The following XYLT1 variants were observed in gnomAD, a reference collection of about 807,000 sequenced individuals.
XYLT1 encodes the protein xylosyltransferase 1.
A neutral mutation model predicts 91.3 loss-of-function variants in XYLT1; 36 were observed. The observed-to-expected ratio is 0.39, with a 90% CI of 0.30 to 0.52. The LOEUF is 0.52. Ranked by LOEUF, XYLT1 falls within the 20% of genes least tolerant of loss-of-function variation. The pLI, the probability that XYLT1 is intolerant of heterozygous loss-of-function variation, is 0.68. For missense variants in XYLT1, 1,242 were observed against 1,284.5 expected, an observed-to-expected ratio of 0.97 and a Z score of 0.51; for synonymous variants, 588 against 532.0, an observed-to-expected ratio of 1.11 and a Z score of -1.45.
chr16:17,209,572 C>T lies in XYLT1; in HGVS notation c.914-8918G>A, dbSNP rs568915038. ...ATTTGTAATGTTTTATTTTTAGGAG[C>T]CCATCCTGCACTTCCTAACTCAGCT... On this transcript the variant is annotated intron_variant, in intron 3 of 11. Coordinates refer to ENST00000261381, the MANE Select transcript of XYLT1 (RefSeq NM_022166.4). 3.3e-5 allele frequency among the ~76,000 whole-genome samples: 5 copies of T among 152,240 alleles called. No individual in the cohort carries two copies. In the East Asian group the frequency reaches 9.7e-4, roughly 29 times the overall value.
chr16:17,112,870 C>T (rs959950729), intron 11 of XYLT1, among the ~76,000 whole-genome samples: 36 of 151,942 alleles, frequency 2.4e-4, no homozygotes, highest in Middle Eastern at 3.4e-3. Context: ...GACGGAGTCT[C>T]GCTCTTGTTG....
intron 1 of XYLT1, among the ~76,000 whole-genome samples, chr16:17,360,360 T>C (rs1161528005): frequency 6.6e-6 from 1 of 152,188 alleles, no homozygotes; most frequent in East Asian, 1.9e-4. Context: ...GTCAACTGTG[T>C]TGACAAAATC....
chr16:17,316,978 T>A (rs1001945176), intron 2 of XYLT1, among the ~76,000 whole-genome samples: 1 of 151,330 alleles, frequency 6.6e-6, no homozygotes. Context: ...GCCCGCCACC[T>A]CGCCCGGCTA....
intron 5 of XYLT1, among the ~76,000 whole-genome samples, chr16:17,196,844 G>A (rs1004290455): frequency 2.0e-5 from 3 of 151,654 alleles, no homozygotes; most frequent in Admixed American, 1.3e-4. Flanking sequence ...CAAGGCAGGC[G>A]GATCACCTGG....
intron 3 of XYLT1, among the ~76,000 whole-genome samples, chr16:17,240,121 C>T (rs911982430): frequency 1.3e-5 from 2 of 152,192 alleles, no homozygotes; most frequent in South Asian, 4.1e-4. Context: ...CCTGAGAAAG[C>T]ATAACTGGGT....
chr16:17,303,912 TTTG>T (rs1415460589), intron 2 of XYLT1, among the ~76,000 whole-genome samples: 2 of 152,188 alleles, frequency 1.3e-5, no homozygotes, highest in African/African-American at 4.8e-5. Flanking sequence ...TTAATTTGTA[TTTG>T]TTAAGAGCAA....
At chr16:17,193,914 G>A (rs997967475) in intron 5 of XYLT1, 1 of 152,200 alleles carries the variant, frequency 6.6e-6, no homozygotes, top group Non-Finnish European at 1.5e-5. Context: ...AAGAAGAGTG[G>A]GCAAAGGAAT....
intron 1 of XYLT1, among the ~76,000 whole-genome samples, chr16:17,461,682 G>A (rs957596825): frequency 6.6e-6 from 1 of 152,160 alleles, no homozygotes; most frequent in African/African-American, 2.4e-5. Flanking sequence ...GTGGACAAAT[G>A]CATGCATAAA....
At chr16:17,121,780 A>G (rs898695671) in intron 10 of XYLT1, among the ~76,000 whole-genome samples, 1 of 151,908 alleles carries the variant, frequency 6.6e-6, no homozygotes, top group African/African-American at 2.4e-5. Flanking sequence ...CCCCAAACTC[A>G]CTGTATCATT....
intron 2 of XYLT1, among the ~76,000 whole-genome samples, chr16:17,341,225 A>T (rs1205880866): frequency 1.3e-5 from 2 of 150,946 alleles, no homozygotes; most frequent in Non-Finnish European, 2.9e-5. Flanking sequence ...AATAGGGGGA[A>T]AAAAACCAAT....
chr16:17,221,883 T>C (rs2032974529), intron 3 of XYLT1, among the ~76,000 whole-genome samples: 1 of 152,182 alleles, frequency 6.6e-6, no homozygotes, highest in Admixed American at 6.5e-5. Flanking sequence ...TCGCAGTGGC[T>C]TGAACCCAAC....
At chr16:17,353,832 T>C (rs906285372) in intron 2 of XYLT1, among the ~76,000 whole-genome samples, 1 of 152,190 alleles carries the variant, frequency 6.6e-6, no homozygotes, top group Admixed American at 6.5e-5. Context: ...TCTTGCAAAA[T>C]AGGAAAGCAG....
At chr16:17,292,778 A>T (rs1330131446) in intron 2 of XYLT1, among the ~76,000 whole-genome samples, 2 of 152,178 alleles carry the variant, frequency 1.3e-5, no homozygotes, top group African/African-American at 4.8e-5. Context: ...TCTTTCAGAA[A>T]CACTTTCCTG....
chr16:17,276,589 C>T (rs1225961634), intron 2 of XYLT1, among the ~76,000 whole-genome samples: 3 of 152,214 alleles, frequency 2.0e-5, no homozygotes, highest in Non-Finnish European at 2.9e-5. Context: ...CGTGCACTGT[C>T]ATCATCCAGA....
rs1966768528 is a variant in XYLT1 at position 17,105,977 on chromosome 16, G to C, written c.*2718C>G. ...TGTAATATCTGCAACCTTATTCTCTGGTCTATTAATTAATAACATCAGAGA... is the reference window on the plus strand; with the variant it reads ...TGTAATATCTGCAACCTTATTCTCTCGTCTATTAATTAATAACATCAGAGA... On this transcript the variant is annotated 3_prime_UTR_variant, in exon 12 of 12. Coordinates refer to ENST00000261381, the MANE Select transcript of XYLT1 (RefSeq NM_022166.4). The C allele has an allele frequency of 6.6e-6, 1 of 151,826 alleles. No homozygotes were observed. The highest frequency in any genetic ancestry group is 2.4e-5 in the African/African-American group (1 of 41,304). 9.4% of individuals were successfully genotyped at this position (151,826 alleles called of 1,614,324 possible).
chr16:17,136,399 A>AGGAAACCTCTCTGT (rs1198906754), intron 8 of XYLT1, among the ~76,000 whole-genome samples: 1 of 152,160 alleles, frequency 6.6e-6, no homozygotes, highest in Non-Finnish European at 1.5e-5. Flanking sequence ...AGTCTGCTTC[A>AGGAAACCTCTCTGT]GGAAACCTCT....
intron 2 of XYLT1, among the ~76,000 whole-genome samples, chr16:17,290,288 T>C (rs112936418): frequency 0.013 from 1,959 of 152,396 alleles, 46 homozygotes; most frequent in African/African-American, 0.044. Context: ...AAACTAGAGA[T>C]GTCTATCTGG....
intron 2 of XYLT1, among the ~76,000 whole-genome samples, chr16:17,321,451 T>C (rs950430264): frequency 1.4e-5 from 2 of 139,944 alleles, no homozygotes; most frequent in African/African-American, 2.7e-5. Flanking sequence ...TTGACTTCTT[T>C]GGTTCAAGCA....
At chr16:17,167,547 C>T (rs2031723445) in intron 5 of XYLT1, among the ~76,000 whole-genome samples, 1 of 151,348 alleles carries the variant, frequency 6.6e-6, no homozygotes, top group African/African-American at 2.4e-5. Flanking sequence ...TGAACGGATT[C>T]TAACCCATCC....
Sources: allele counts gnomAD v4.1 joint callset (sites outside exome capture counted in the v4.1 genomes callset), GRCh38; gene constraint gnomAD v4.1.1; transcripts MANE v1.5; gene names NCBI Gene and HGNC (gene_info 2026-07-23, HGNC 2026-07-21).